PCDHGB2: variants seen among roughly 807,000 people sequenced by gnomAD.
PCDHGB2 encodes protocadherin gamma subfamily B, 2.
In PCDHGB2, 55 loss-of-function variants were observed where a neutral mutation model predicts 59.3. The ratio of observed to expected loss-of-function variants is 0.93; its 90% CI spans 0.75 to 1.16. PCDHGB2 has a LOEUF of 1.16. PCDHGB2 is among the 50% of genes most tolerant of loss of function. The pLI is 0.00. For missense variants in PCDHGB2, 1,228 were observed against 1,198.5 expected (o/e 1.02, Z -0.36); for synonymous variants, 516 against 512.0 (o/e 1.01, Z -0.11).
chr5:141,485,995 T>G lies in PCDHGB2; in HGVS notation c.2422-8812T>G. 1 of 1,614,176 alleles carries G rather than the reference T, an allele frequency of 6.2e-7. No individual in the cohort carries two copies. On this transcript the variant is annotated intron_variant, in intron 1 of 3. Transcript: ENST00000522605. The surrounding 1 kb of genome is among the most constrained non-coding windows in gnomAD (Gnocchi z 5.7). ...CCTCAGACCCGGACCTGGGTCCCAG[T>G]GGTAACGTCACCTTTTATTTCAGTG...
chr5:141,404,411 G>A, intron 1 of PCDHGB2: 1 of 1,613,854 alleles, frequency 6.2e-7, no homozygotes, highest in Non-Finnish European at 8.5e-7. Flanking sequence ...GAATTCTAGA[G>A]TTATTTACTC....
chr5:141,410,687 T>A, intron 1 of PCDHGB2: 1 of 1,518,632 alleles, frequency 6.6e-7, no homozygotes, highest in Non-Finnish European at 8.8e-7. Context: ...TTAGGCATAC[T>A]ACTTTATTTT....
At chr5:141,397,223 T>C (rs144227558) in intron 1 of PCDHGB2, among the ~76,000 whole-genome samples, 1 of 152,304 alleles carries the variant, frequency 6.6e-6, no homozygotes, top group East Asian at 1.9e-4. Context: ...TATTTTGAGA[T>C]ATGAAGAAGA....
chr5:141,459,981 G>C (rs1023972964), intron 1 of PCDHGB2, among the ~76,000 whole-genome samples: 7 of 152,330 alleles, frequency 4.6e-5, no homozygotes, highest in Admixed American at 1.3e-4. Context: ...AGGAGGCTGA[G>C]ACAGGAGAAT....
At chr5:141,399,019 A>AC in intron 1 of PCDHGB2, 1 of 1,613,932 alleles carries the variant, frequency 6.2e-7, no homozygotes, top group Non-Finnish European at 8.5e-7. Context: ...CGGAGAAATT[A>AC]CCACTCAAAA....
chr5:141,417,833 G>A (rs968698994), intron 1 of PCDHGB2: 8 of 1,529,614 alleles, frequency 5.2e-6, no homozygotes, highest in Middle Eastern at 1.7e-4. Context: ...TGGAAAAGCG[G>A]GGACCCAGCG....
chr5:141,367,606 T>A (rs1765261229), intron 1 of PCDHGB2: 1 of 152,056 alleles, frequency 6.6e-6, no homozygotes, highest in African/African-American at 2.4e-5. Context: ...ATATTAATGA[T>A]AACATGTAGC....
chr5:141,432,863 T>C lies in PCDHGB2; in HGVS notation c.2422-61944T>C, dbSNP rs762979829. On this transcript the variant is annotated intron_variant, in intron 1 of 3. Coordinates refer to ENST00000522605, the MANE Select transcript of PCDHGB2 (RefSeq NM_018923.3). This position sits in a 1 kb window ranked among gnomAD's most constrained non-coding sequence, Gnocchi z 6.0. ...GGTGGTAGCGGTGGCCGCGGTCTCCTGCGTCTTCCTGGCCTTCGTCATCTT... is the reference window on the plus strand; with the variant it reads ...GGTGGTAGCGGTGGCCGCGGTCTCCCGCGTCTTCCTGGCCTTCGTCATCTT... 20 of 1,614,192 alleles carry C rather than the reference T, an allele frequency of 1.2e-5. No individual in the cohort carries two copies. Among genetic ancestry groups the C allele is most frequent in the Admixed American group, 6.7e-5 (4 of 60,032 alleles).
chr5:141,366,288 C>A (rs1020562585), intron 1 of PCDHGB2: 2 of 1,613,748 alleles, frequency 1.2e-6, no homozygotes, highest in Non-Finnish European at 1.7e-6. Context: ...GGCCAGCCCC[C>A]TCTGTCAGCC....
At chr5:141,367,958 C>A (rs1349298389) in intron 1 of PCDHGB2, among the ~76,000 whole-genome samples, 1 of 152,088 alleles carries the variant, frequency 6.6e-6, no homozygotes, top group African/African-American at 2.4e-5. Flanking sequence ...AATTTCATAT[C>A]TAACGTATGT....
In PCDHGB2 at chr5:141,410,620, G is replaced by C. The variant is rs765125633; in HGVS notation, c.2421+48064G>C. ...CTTCACATCCTGAGACTCTGACTTC[G>C]GTGAGTTTCTCTTTTTTGTGTGTGA... On this transcript the variant is annotated intron_variant, in intron 1 of 3. Coordinates refer to ENST00000522605, the MANE Select transcript of PCDHGB2 (RefSeq NM_018923.3). The C allele has an allele frequency of 3.4e-5, 55 of 1,603,406 alleles. 1 individual carries two copies. The highest frequency in any genetic ancestry group is 2.8e-4 in the Admixed American group (17 of 59,744).
chr5:141,482,069 G>A (rs892777397), intron 1 of PCDHGB2, among the ~76,000 whole-genome samples: 1 of 138,078 alleles, frequency 7.2e-6, no homozygotes, highest in Non-Finnish European at 1.5e-5. Context: ...TGGGCAACAA[G>A]AACAAAACTC....
Position 141,431,518 on chromosome 5 carries a change from G to T in PCDHGB2, c.2422-63289G>T. 6.2e-7 allele frequency: 1 copy of T among 1,614,090 alleles called. No individual in the cohort carries two copies. Among genetic ancestry groups the T allele is most frequent in the Non-Finnish European group, 8.5e-7 (1 of 1,180,038 alleles). ...CCGAGTACCGCGCGAGCGTTCCGGA[G>T]AATCTGGCCTTGGGCACGCAGCTGC... On this transcript the variant is annotated intron_variant, in intron 1 of 3. Coordinates refer to ENST00000522605, the MANE Select transcript of PCDHGB2 (RefSeq NM_018923.3). The surrounding 1 kb of genome is among the most constrained non-coding windows in gnomAD (Gnocchi z 4.8).
chr5:141,489,935 T>C lies in PCDHGB2; in HGVS notation c.2422-4872T>C. On this transcript the variant is annotated intron_variant, in intron 1 of 3. Coordinates refer to ENST00000522605, the MANE Select transcript of PCDHGB2 (RefSeq NM_018923.3). The surrounding 1 kb of genome is among the most constrained non-coding windows in gnomAD (Gnocchi z 4.5). ...GGGACCACCCTTATCTCTGTCATCG[T>C]GCTGGACATCAATGATAATGCTCCA... 1 of 1,614,216 alleles carries C rather than the reference T, an allele frequency of 6.2e-7. No individual in the cohort carries two copies.
At chr5:141,371,673 A>G in intron 1 of PCDHGB2, 1 of 1,614,030 alleles carries the variant, frequency 6.2e-7, no homozygotes, top group Non-Finnish European at 8.5e-7. Flanking sequence ...AGCTACCGAC[A>G]AAGGCAATCC....
At chr5:141,503,023 A>T (rs1163676028) in intron 2 of PCDHGB2, among the ~76,000 whole-genome samples, 1 of 141,884 alleles carries the variant, frequency 7.0e-6, no homozygotes, top group African/African-American at 2.6e-5. Context: ...TTTTTTTTTT[A>T]ATATCTATTT....
In PCDHGB2 at chr5:141,487,762, T is replaced by C; in HGVS notation, c.2422-7045T>C. 6.5e-7 allele frequency: 1 copy of C among 1,545,432 alleles called. No homozygotes were observed. The highest frequency in any genetic ancestry group is 8.8e-7 in the Non-Finnish European group (1 of 1,142,332). ...TAAGAGGTAACTATGTGGTAGACGC[T>C]GTGCTTTGTAACTGTTTCGTGAATT... On this transcript the variant is annotated intron_variant, in intron 1 of 3. Coordinates refer to ENST00000522605, the MANE Select transcript of PCDHGB2 (RefSeq NM_018923.3). The surrounding 1 kb of genome is among the most constrained non-coding windows in gnomAD (Gnocchi z 5.0).
At chr5:141,429,169 T>TACACACACACACACACACAAAC (rs2097191391) in intron 1 of PCDHGB2, 1 of 145,394 alleles carries the variant, frequency 6.9e-6, no homozygotes, top group East Asian at 2.0e-4. Flanking sequence ...ACATTGTTTA[T>TACACACACACACACACACAAAC]ACACACACAC....
intron 1 of PCDHGB2, chr5:141,383,860 G>A: frequency 6.2e-7 from 1 of 1,613,926 alleles, no homozygotes; most frequent in Non-Finnish European, 8.5e-7. Flanking sequence ...GGAGGTTCAG[G>A]CTCAAGATGG....
Sources: gnomAD v4.1 joint callset for allele counts (sites outside exome capture counted in the v4.1 genomes callset) on GRCh38, gnomAD v4.1.1 for gene constraint, Gnocchi (gnomAD v3.1) non-coding constraint, MANE v1.5 for transcripts, NCBI Gene and HGNC (gene_info 2026-07-23, HGNC 2026-07-21) for gene names.